The following RNASET2 variants were observed in gnomAD, a reference collection of about 807,000 sequenced individuals.
RNASET2 encodes the protein ribonuclease T2.
RNASET2 carries 28 observed loss-of-function variants against 33.9 expected under a neutral mutation model. That is an observed-to-expected ratio of 0.83 (90% CI 0.61 to 1.13). The LOEUF is 1.13. Among genes scored for constraint, RNASET2 ranks in the 50% most tolerant of loss-of-function variants. The pLI is 0.00. For synonymous variants in RNASET2, 123 were observed against 121.0 expected (o/e 1.02, Z -0.11); for missense variants, 330 against 319.9 (o/e 1.03, Z -0.24).
chr6:166,929,192 G>A lies in RNASET2; in HGVS notation c.*396C>T, dbSNP rs1329266646. On this transcript the variant is annotated 3_prime_UTR_variant, in exon 9 of 9. Coordinates refer to ENST00000508775, the MANE Select transcript of RNASET2 (RefSeq NM_003730.6). The stretch of plus-strand genomic sequence containing the variant: ...GCATCAGCGTGGGCTCCTGCCATGC[G>A]TGGAGCTCTTCGTCTTGACAGGGTC... Among the ~76,000 whole-genome samples the A allele has an allele frequency of 2.0e-5, 3 of 152,250 alleles. No homozygotes were observed. The highest frequency in any genetic ancestry group is 2.9e-5 in the Non-Finnish European group (2 of 68,048).
Position 166,926,931 on chromosome 6 carries a change from C to A in RNASET2, c.*2657G>T, listed in dbSNP as rs529189377. ...GCTGCCCCTCCTGGCTGCTCTCCAT[C>A]CTGAGATGCGCCTGCTCCTTTGTCC... On this transcript the variant is annotated 3_prime_UTR_variant, in exon 9 of 9. Coordinates refer to ENST00000508775, the MANE Select transcript of RNASET2 (RefSeq NM_003730.6). Among the ~76,000 whole-genome samples the A allele has an allele frequency of 5.0e-4, 76 of 152,308 alleles. No homozygotes were observed. The highest frequency in any genetic ancestry group is 9.6e-4 in the Non-Finnish European group (65 of 68,020).
chr6:166,935,938 G>T (rs1173997720), intron 6 of RNASET2, among the ~76,000 whole-genome samples: 3 of 152,214 alleles, frequency 2.0e-5, no homozygotes, highest in African/African-American at 7.2e-5. Context: ...CTCCCAAAGT[G>T]TTGGGATTAC....
chr6:166,943,523 G>T (rs535552747), intron 4 of RNASET2: 6 of 329,656 alleles, frequency 1.8e-5, no homozygotes, highest in Non-Finnish European at 2.3e-5. Context: ...AATGAGATTC[G>T]CGGTTGCTTG....
In RNASET2 at chr6:166,948,645, A is replaced by T. The variant is rs372239307; in HGVS notation, c.148-20T>A. The T allele has an allele frequency of 2.4e-4, 344 of 1,438,748 alleles. 1 individual carries two copies. Among genetic ancestry groups the T allele is most frequent in the Admixed American group, 1.5e-4 (9 of 59,808 alleles). The allele number at this position is 1,438,748 out of a possible 1,614,324, so 89.1% of individuals were successfully genotyped here. Reference sequence around the variant, plus strand: ...AATTTTCTAGGGAGAAAATATAACAAGAAAATGATTGGCTCTTTGTTTATT... The same window carrying T: ...AATTTTCTAGGGAGAAAATATAACATGAAAATGATTGGCTCTTTGTTTATT... On this transcript the variant is annotated intron_variant, in intron 2 of 8. Coordinates refer to ENST00000508775, the MANE Select transcript of RNASET2 (RefSeq NM_003730.6).
chr6:166,951,344 G>C (rs1161990317), intron 2 of RNASET2, among the ~76,000 whole-genome samples: 1 of 152,262 alleles, frequency 6.6e-6, no homozygotes, highest in Non-Finnish European at 1.5e-5. Context: ...CGGGGAGATG[G>C]TTAGGCCTCC....
rs958907147 is a variant in RNASET2, at chr6:166,924,021, C to T, written c.*5567G>A. ...CGCAGAAACAAAAAGTGAAAACAGG[C>T]GATCTGCATGTTTCCTCATCTGGGC... On this transcript the variant is annotated 3_prime_UTR_variant, in exon 9 of 9. Transcript: ENST00000508775. Among the ~76,000 whole-genome samples the T allele has an allele frequency of 2.6e-5, 4 of 152,212 alleles. No homozygotes were observed. The highest frequency in any genetic ancestry group is 4.4e-5 in the Non-Finnish European group (3 of 68,036).
In RNASET2 at chr6:166,956,251, G is replaced by T; in HGVS notation, c.-69C>A. The T allele has an allele frequency of 7.2e-7, 1 of 1,387,896 alleles. No homozygotes were observed. The highest frequency in any genetic ancestry group is 1.0e-6 in the Non-Finnish European group (1 of 1,000,418). 86.0% of individuals were successfully genotyped at this position (1,387,896 alleles called of 1,614,324 possible). On this transcript the variant is annotated 5_prime_UTR_variant, in exon 1 of 9. Transcript: ENST00000508775. ...TCCCACTTCCCACCTGCTGCCCGAG[G>T]AAGACTTCCGGGAGAAACGCTGTCT...
At chr6:166,952,129 C>T (rs188691391) in intron 2 of RNASET2, among the ~76,000 whole-genome samples, 15 of 152,332 alleles carry the variant, frequency 9.8e-5, no homozygotes, top group East Asian at 9.6e-4. Context: ...AGCCCAGGAA[C>T]GCAGAGGACC....
intron 8 of RNASET2, among the ~76,000 whole-genome samples, chr6:166,930,815 TGCACACATA>T (rs1778414739): frequency 7.4e-6 from 1 of 134,934 alleles, no homozygotes; most frequent in Non-Finnish European, 1.6e-5. Context: ...TACACACACA[TGCACACATA>T]GCACATGCCC....
intron 4 of RNASET2, 148 bp from the exon 5 acceptor site, chr6:166,943,237 G>A (rs1223641299): frequency 2.7e-5 from 17 of 632,752 alleles, no homozygotes; most frequent in Non-Finnish European, 4.5e-5. Context: ...TGCTTATTTT[G>A]TATGAAGTGT....
At position 166,956,222 on chromosome 6, in the gene RNASET2, C is replaced by T. The variant is rs1218786998; in HGVS notation, c.-40G>A. ...GAGAGAACGCTGCCAGCTGCCGCTC[C>T]GGCTCCCACTTCCCACCTGCTGCCC... On this transcript the variant is annotated 5_prime_UTR_variant, in exon 1 of 9. Transcript: ENST00000508775. 3.3e-6 allele frequency: 5 copies of T among 1,514,798 alleles called. No individual in the cohort carries two copies. The Admixed American group carries it at 9.8e-5, about 30-fold the overall frequency. 93.8% of individuals were successfully genotyped at this position (1,514,798 alleles called of 1,614,324 possible).
intron 5 of RNASET2, 56 bp from the exon 6 acceptor site, chr6:166,939,064 T>C (rs543371657): frequency 2.2e-5 from 28 of 1,282,426 alleles, no homozygotes; most frequent in South Asian, 1.8e-4. Context: ...CTGCGTGCAG[T>C]GGCTCATGCC....
At position 166,931,091 on chromosome 6, in the gene RNASET2, T is replaced by C; in HGVS notation, c.520A>G (p.Arg174Gly). ...ATTTTGGGTATCACTCCATATACTC[T>C]GGCAAGGGCATCTTTAAAATCTGCA... ...QVADFKDALA[R>G]VYGVIPKIQC... Residue 174 changes from arginine to glycine, a missense_variant, in exon 8 of 9, where the codon AGA (arginine) becomes GGA (glycine). Physicochemically the swap from Arg to Gly is moderately radical, Grantham distance 125 (BLOSUM62 -2). Coordinates refer to ENST00000508775, the MANE Select transcript of RNASET2 (RefSeq NM_003730.6). 1 of 1,612,012 alleles carries C rather than the reference T, an allele frequency of 6.2e-7. No individual in the cohort carries two copies. Among genetic ancestry groups the C allele is most frequent in the Non-Finnish European group, 8.5e-7 (1 of 1,178,044 alleles).
chr6:166,952,422 G>A lies in RNASET2; in HGVS notation c.147+66C>T, dbSNP rs558629046. 7.8e-6 allele frequency: 11 copies of A among 1,418,054 alleles called. No individual in the cohort carries two copies. In the Admixed American group the frequency reaches 1.3e-4, roughly 17 times the overall value. 87.8% of individuals were successfully genotyped at this position (1,418,054 alleles called of 1,614,324 possible). A position where few individuals can be genotyped will look rare whatever the true frequency, so the allele number is the denominator to read the frequency against. ...CAGCGTGGGTGCCCTGGACGGGCAC[G>A]TGCACACAAACCCCTCTTCACAGGG... On this transcript the variant is annotated intron_variant, in intron 2 of 8. Coordinates refer to ENST00000508775, the MANE Select transcript of RNASET2 (RefSeq NM_003730.6).
intron 3 of RNASET2, 163 bp downstream of exon 3, chr6:166,948,406 AG>A: frequency 1.4e-6 from 1 of 701,806 alleles, no homozygotes; most frequent in East Asian, 2.7e-5. Flanking sequence ...CAAGAGAATC[AG>A]GGTTCTGCTA....
rs3734245 is a variant in RNASET2 at position 166,944,462 on chromosome 6, C to T, written c.262-1373G>A. On this transcript the variant is annotated intron_variant, in intron 4 of 8. Transcript: ENST00000508775. ...GTGGGCGCAGCTCTGTCCCCCTCCT[C>T]TTCCCCTCCAGCCCCCCACCCCACC... Among the ~76,000 whole-genome samples, 527 of 150,364 alleles carry T rather than the reference C, an allele frequency of 3.5e-3. 13 individuals carry two copies. The East Asian group carries it at 0.066, about 19-fold the overall frequency.
chr6:166,924,087 G>C lies in RNASET2; in HGVS notation c.*5501C>G, dbSNP rs996966044. ...CAGCAGGCACCTTCCACTGGGACCAGTGCTGCATTCTCTTTTTTTCTTTTT... is the reference window on the plus strand; with the variant it reads ...CAGCAGGCACCTTCCACTGGGACCACTGCTGCATTCTCTTTTTTTCTTTTT... On this transcript the variant is annotated 3_prime_UTR_variant, in exon 9 of 9. Transcript: ENST00000508775. 6.6e-6 allele frequency among the ~76,000 whole-genome samples: 1 copy of C among 152,174 alleles called. No individual in the cohort carries two copies. The highest frequency in any genetic ancestry group is 2.4e-5 in the African/African-American group (1 of 41,428).
intron 6 of RNASET2, 85 bp downstream of exon 6, chr6:166,938,810 C>T (rs1465564332): frequency 1.1e-6 from 1 of 935,670 alleles, no homozygotes; most frequent in Non-Finnish European, 1.8e-6. Flanking sequence ...GAGGTCTACA[C>T]CCACTCCCCT....
chr6:166,930,752 GCA>G (rs1213955061), intron 8 of RNASET2, among the ~76,000 whole-genome samples: 2 of 143,662 alleles, frequency 1.4e-5, no homozygotes, highest in African/African-American at 2.6e-5. Context: ...GTACACACAT[GCA>G]CACACAGGAC....
Sources: allele counts gnomAD v4.1 joint callset (sites outside exome capture counted in the v4.1 genomes callset), GRCh38; gene constraint gnomAD v4.1.1; transcripts MANE v1.5; gene names NCBI Gene and HGNC (gene_info 2026-07-23, HGNC 2026-07-21).